PARD3B: variants seen among roughly 807,000 people sequenced by gnomAD.
The protein encoded by PARD3B is par-3 family cell polarity regulator beta.
In PARD3B, 103 loss-of-function variants were observed where a neutral mutation model predicts 130.2. The ratio of observed to expected loss-of-function variants is 0.79; its 90% confidence interval spans 0.67 to 0.93. The LOEUF (loss-of-function observed/expected upper bound fraction) is 0.93, where lower values mean the gene tolerates loss of function less well. PARD3B is among the 40% of genes least tolerant of loss of function. The probability of loss-of-function intolerance (pLI) is 0.00; values close to 1 mark genes in which losing one functional copy is unlikely to be tolerated. For missense variants in PARD3B, 1,609 were observed against 1,499.2 expected (o/e 1.07, Z -1.21); for synonymous variants, 583 against 553.2 (o/e 1.05, Z -0.76).
chr2:205,164,942 T>C lies in PARD3B; in HGVS notation c.1620+6035T>C, dbSNP rs16837062. 6.5e-3 allele frequency among the ~76,000 whole-genome samples: 986 copies of C among 152,162 alleles called. 16 individuals carry two copies. The highest frequency in any genetic ancestry group is 0.023 in the African/African-American group (939 of 41,504). ...ACTCTGCATACATATACACACGTTT[T>C]TGTTCTAGCATTCTGGTTGTACCCA... On this transcript the variant is annotated intron_variant, in intron 11 of 22. Coordinates refer to ENST00000406610, the MANE Select transcript of PARD3B (RefSeq NM_001302769.2).
rs111865489 is a variant in PARD3B at position 205,152,636 on chromosome 2, A to T, written c.1435-6086A>T. On this transcript the variant is annotated intron_variant, in intron 10 of 22. Coordinates refer to ENST00000406610, the MANE Select transcript of PARD3B (RefSeq NM_001302769.2). ...ATTTAAGGTCTTCTTTATACTGTTTATTCTAGTTAGCCATTCGTCTAATCT... is the reference window on the plus strand; with the variant it reads ...ATTTAAGGTCTTCTTTATACTGTTTTTTCTAGTTAGCCATTCGTCTAATCT... Among the ~76,000 whole-genome samples the T allele has an allele frequency of 1.6e-3, 248 of 152,080 alleles. 1 individual carries two copies. The highest frequency in any genetic ancestry group is 5.4e-3 in the African/African-American group (226 of 41,482).
In PARD3B at chr2:205,104,434, G is replaced by A. The variant is rs115490230; in HGVS notation, c.513G>A (p.Thr171=). The A allele has an allele frequency of 8.0e-4, 1,273 of 1,596,244 alleles. 1 individual carries two copies. Among genetic ancestry groups the A allele is most frequent in the African/African-American group, 1.5e-3 (110 of 74,576 alleles). ...ACTTTGTTTCACTATAGGATTCCACGCAGAACTTGGAAGACAGAGAAGTTT... is the reference window on the plus strand; with the variant it reads ...ACTTTGTTTCACTATAGGATTCCACACAGAACTTGGAAGACAGAGAAGTTT... The part of the protein sequence containing the change: ...QSLKLVVPDS[T]QNLEDREVLN... Residue 171 remains threonine, a synonymous_variant, in exon 5 of 23, where the codon ACG becomes ACA. Coordinates refer to ENST00000406610, the MANE Select transcript of PARD3B (RefSeq NM_001302769.2).
chr2:205,058,336 A>G lies in PARD3B; in HGVS notation c.504+10646A>G, dbSNP rs111598434. Among the ~76,000 whole-genome samples, 330 of 152,042 alleles carry G rather than the reference A, an allele frequency of 2.2e-3. 1 individual carries two copies. Among genetic ancestry groups the G allele is most frequent in the African/African-American group, 7.6e-3 (314 of 41,536 alleles). On this transcript the variant is annotated intron_variant, in intron 4 of 22. Transcript: ENST00000406610. ...TATACCACATTTTGCTTATCTACTC[A>G]TCTCTTGATGGACACTTGAGTTGCT...
At chr2:204,585,269 C>T (rs2032766056) in intron 1 of PARD3B, among the ~76,000 whole-genome samples, 1 of 152,190 alleles carries the variant, frequency 6.6e-6, no homozygotes, top group African/African-American at 2.4e-5. Flanking sequence ...GCCCTGTGGT[C>T]TTTCTAATGT....
At chr2:204,924,202 A>G (rs1687409746) in intron 2 of PARD3B, among the ~76,000 whole-genome samples, 1 of 151,954 alleles carries the variant, frequency 6.6e-6, no homozygotes, top group African/African-American at 2.4e-5. Context: ...TCTGCAGGGA[A>G]TTTTCAAAAA....
chr2:205,355,196 C>A (rs886972627), intron 18 of PARD3B, among the ~76,000 whole-genome samples: 3 of 152,146 alleles, frequency 2.0e-5, no homozygotes, highest in African/African-American at 7.2e-5. Context: ...TGAACAGTCC[C>A]AATGTTTTCA....
At chr2:205,129,713 G>A (rs917962259) in intron 10 of PARD3B, among the ~76,000 whole-genome samples, 6 of 152,168 alleles carry the variant, frequency 3.9e-5, no homozygotes, top group East Asian at 1.9e-4. Context: ...CCTAGTTTCC[G>A]ACGCTTAAAT....
chr2:204,593,423 T>C (rs544970228), intron 1 of PARD3B, among the ~76,000 whole-genome samples: 53 of 152,294 alleles, frequency 3.5e-4, no homozygotes, highest in African/African-American at 1.2e-3. Flanking sequence ...TAGCATGCAG[T>C]TGGCATTCAG....
At chr2:204,911,136 T>C (rs1341801926) in intron 2 of PARD3B, among the ~76,000 whole-genome samples, 2 of 152,208 alleles carry the variant, frequency 1.3e-5, no homozygotes, top group Non-Finnish European at 2.9e-5. Context: ...ACCAAGCACA[T>C]ACAAATGCCC....
intron 1 of PARD3B, among the ~76,000 whole-genome samples, chr2:204,620,943 T>C (rs2034279901): frequency 6.6e-6 from 1 of 152,204 alleles, no homozygotes; most frequent in Non-Finnish European, 1.5e-5. Context: ...AAGTTACAGA[T>C]ACAGAACAGT....
At chr2:205,413,258 T>C (rs1395363552) in intron 19 of PARD3B, among the ~76,000 whole-genome samples, 1 of 152,172 alleles carries the variant, frequency 6.6e-6, no homozygotes, top group Non-Finnish European at 1.5e-5. Flanking sequence ...TGGCACATAA[T>C]AGATACACAT....
Position 204,810,470 on chromosome 2 carries a change from G to T in PARD3B, c.222+124188G>T, listed in dbSNP as rs115430968. 7.6e-3 allele frequency among the ~76,000 whole-genome samples: 1,156 copies of T among 152,168 alleles called. 13 individuals are homozygous for T. Among genetic ancestry groups the T allele is most frequent in the African/African-American group, 0.025 (1,020 of 41,550 alleles). ...TTTAACATGTTTTTTAACATGGAAG[G>T]ATGTTGAATTTTATCAAAAGCCTTT... On this transcript the variant is annotated intron_variant, in intron 2 of 22. Coordinates refer to ENST00000406610, the MANE Select transcript of PARD3B (RefSeq NM_001302769.2).
intron 2 of PARD3B, among the ~76,000 whole-genome samples, chr2:204,864,196 G>C (rs1014520910): frequency 1.3e-5 from 2 of 152,052 alleles, no homozygotes; most frequent in African/African-American, 4.8e-5. Context: ...CTGTACTTCT[G>C]TCCTTGCCCT....
At chr2:205,217,998 T>C (rs1434541768) in intron 15 of PARD3B, among the ~76,000 whole-genome samples, 1 of 150,186 alleles carries the variant, frequency 6.7e-6, no homozygotes, top group Non-Finnish European at 1.5e-5. Flanking sequence ...GTTCAAGCGA[T>C]TCTTCTGCCT....
At chr2:205,399,497 GGCAT>G (rs1477619256) in intron 18 of PARD3B, among the ~76,000 whole-genome samples, 4 of 151,432 alleles carry the variant, frequency 2.6e-5, no homozygotes, top group African/African-American at 4.8e-5. Flanking sequence ...TGGGACTACA[GGCAT>G]GCACCACGAC....
At chr2:204,717,977 G>T (rs895499295) in intron 2 of PARD3B, among the ~76,000 whole-genome samples, 3 of 152,136 alleles carry the variant, frequency 2.0e-5, no homozygotes, top group African/African-American at 7.2e-5. Flanking sequence ...TATATTACAT[G>T]TCTTTTAAGG....
At chr2:205,373,542 G>GA (rs2044907828) in intron 18 of PARD3B, among the ~76,000 whole-genome samples, 1 of 152,018 alleles carries the variant, frequency 6.6e-6, no homozygotes, top group East Asian at 1.9e-4. Flanking sequence ...AAGTGAAAAG[G>GA]AAAAAATCAA....
rs114961997 is a variant in PARD3B at position 205,008,018 on chromosome 2, G to A, written c.395-39563G>A. Among the ~76,000 whole-genome samples, 636 of 152,232 alleles carry A rather than the reference G, an allele frequency of 4.2e-3. 3 individuals carry two copies. The highest frequency in any genetic ancestry group is 0.015 in the African/African-American group (609 of 41,550). ...GTTGTTGTTGGTGTATAGCAGTATAGCACTTTATTTTTTTTGATACATGAG... is the reference window on the plus strand; with the variant it reads ...GTTGTTGTTGGTGTATAGCAGTATAACACTTTATTTTTTTTGATACATGAG... On this transcript the variant is annotated intron_variant, in intron 3 of 22. Transcript: ENST00000406610.
chr2:204,877,498 C>T (rs1193417398), intron 2 of PARD3B, among the ~76,000 whole-genome samples: 1 of 152,096 alleles, frequency 6.6e-6, no homozygotes, highest in East Asian at 1.9e-4. Flanking sequence ...GCCTGACTGC[C>T]AGACTAGCGT....
Sources: gnomAD v4.1 joint callset for allele counts (sites outside exome capture counted in the v4.1 genomes callset) on GRCh38, gnomAD v4.1.1 for gene constraint, MANE v1.5 for transcripts, NCBI Gene and HGNC (gene_info 2026-07-23, HGNC 2026-07-21) for gene names.